PPP1R14C: variants seen among roughly 807,000 people sequenced by gnomAD.
The protein encoded by PPP1R14C is protein phosphatase 1 regulatory subunit 14C.
In PPP1R14C, 16 loss-of-function variants were observed where a neutral mutation model predicts 20.4. The ratio of observed to expected loss-of-function variants is 0.78; its 90% CI spans 0.53 to 1.19. The LOEUF is 1.19. PPP1R14C is among the 50% of genes most tolerant of loss of function. PPP1R14C has a pLI of 0.00. For synonymous variants in PPP1R14C, 91 were observed against 91.0 expected (o/e 1.00, Z 0.00); for missense variants, 211 against 220.1 (o/e 0.96, Z 0.26).
intron 3 of PPP1R14C, 55 bp downstream of exon 3, chr6:150,216,911 A>G (rs1290943261): frequency 1.4e-6 from 2 of 1,425,232 alleles, no homozygotes; most frequent in African/African-American, 1.4e-5. Flanking sequence ...TATTAAATCA[A>G]TTTGTCTATT....
At chr6:150,145,508 C>T (rs1047689518) in intron 1 of PPP1R14C, among the ~76,000 whole-genome samples, 1 of 152,132 alleles carries the variant, frequency 6.6e-6, no homozygotes, top group African/African-American at 2.4e-5. Flanking sequence ...TGGTGTACCT[C>T]CATTTAATAA....
intron 3 of PPP1R14C, among the ~76,000 whole-genome samples, chr6:150,223,839 G>A (rs1778198027): frequency 6.6e-6 from 1 of 152,204 alleles, no homozygotes; most frequent in East Asian, 1.9e-4. Context: ...CACAAAGCAG[G>A]AATTTTTGTT....
In PPP1R14C at chr6:150,156,024, C is replaced by CAAAAAAAA. The variant is rs67908012; in HGVS notation, c.306+12547_306+12554dup. ...TGGGTGACAGAGTGAGACTCTGTCTCAAAAAAAAAAAAAAAAAAAAAAAAA... is the reference window on the plus strand; with the variant it reads ...TGGGTGACAGAGTGAGACTCTGTCTCAAAAAAAAAAAAAAAAAAAAAAAAAAAAAAAAA... On this transcript the variant is annotated intron_variant, in intron 1 of 3. Transcript: ENST00000361131. Among the ~76,000 whole-genome samples the CAAAAAAAA allele has an allele frequency of 6.2e-3, 238 of 38,140 alleles. 1 individual carries two copies. The highest frequency in any genetic ancestry group is 7.9e-3 in the Non-Finnish European group (167 of 21,056). 25.0% of individuals were successfully genotyped at this position (38,140 alleles called of 152,430 possible).
chr6:150,155,091 A>G (rs1040742679), intron 1 of PPP1R14C, among the ~76,000 whole-genome samples: 1 of 152,210 alleles, frequency 6.6e-6, no homozygotes, highest in African/African-American at 2.4e-5. Flanking sequence ...TGAGATATGA[A>G]ATGAGCATCT....
intron 1 of PPP1R14C, among the ~76,000 whole-genome samples, chr6:150,169,513 C>G (rs1385657868): frequency 2.6e-5 from 4 of 152,196 alleles, no homozygotes; most frequent in Non-Finnish European, 5.9e-5. Flanking sequence ...TATTTAGTCT[C>G]CAAACTGCTG....
intron 1 of PPP1R14C, among the ~76,000 whole-genome samples, chr6:150,159,557 C>T (rs141642635): frequency 6.6e-6 from 1 of 152,244 alleles, no homozygotes; most frequent in African/African-American, 2.4e-5. Flanking sequence ...GTGCGCTGTC[C>T]TTCTGTCCCT....
intron 1 of PPP1R14C, among the ~76,000 whole-genome samples, chr6:150,172,856 A>C (rs936637088): frequency 6.6e-6 from 1 of 152,018 alleles, no homozygotes; most frequent in African/African-American, 2.4e-5. Flanking sequence ...GGCTGGATGT[A>C]GGTTACAAGG....
At chr6:150,217,728 A>G (rs1015587690) in intron 3 of PPP1R14C, among the ~76,000 whole-genome samples, 31 of 152,214 alleles carry the variant, frequency 2.0e-4, no homozygotes, top group African/African-American at 7.0e-4. Context: ...TTAGCAAGAG[A>G]AGTACTTTCT....
intron 2 of PPP1R14C, among the ~76,000 whole-genome samples, chr6:150,216,513 A>AACAT (rs1455664712): frequency 3.3e-5 from 5 of 151,944 alleles, no homozygotes; most frequent in Admixed American, 6.6e-5. Context: ...CAAACAAACA[A>AACAT]ACAAAACTGG....
At position 150,248,963 on chromosome 6, in the gene PPP1R14C, G is replaced by A. The variant is rs1235652631; in HGVS notation, c.*143G>A. ...TTTCTTTTTTGGTGTGAAGGTGGGG[G>A]GGTCTATTAGACATTTATTCAAGAG... On this transcript the variant is annotated 3_prime_UTR_variant, in exon 4 of 4. Coordinates refer to ENST00000361131, the MANE Select transcript of PPP1R14C (RefSeq NM_030949.3). The A allele has an allele frequency of 6.9e-5, 35 of 503,910 alleles. No individual in the cohort carries two copies. Among genetic ancestry groups the A allele is most frequent in the Non-Finnish European group, 1.1e-4 (31 of 286,554 alleles). 31.2% of individuals were successfully genotyped at this position (503,910 alleles called of 1,614,324 possible).
At chr6:150,231,234 C>T (rs1778291948) in intron 3 of PPP1R14C, among the ~76,000 whole-genome samples, 1 of 152,230 alleles carries the variant, frequency 6.6e-6, no homozygotes, top group Admixed American at 6.5e-5. Flanking sequence ...TCTTAGAAGT[C>T]TCTCAGCAGC....
intron 2 of PPP1R14C, among the ~76,000 whole-genome samples, chr6:150,216,082 C>T (rs900768642): frequency 6.6e-6 from 1 of 152,232 alleles, no homozygotes; most frequent in Admixed American, 6.5e-5. Context: ...CTGTGGAAGG[C>T]CATCCTGGAT....
At chr6:150,233,721 G>A (rs1351605777) in intron 3 of PPP1R14C, among the ~76,000 whole-genome samples, 4 of 152,198 alleles carry the variant, frequency 2.6e-5, no homozygotes, top group African/African-American at 9.7e-5. Context: ...TGATTGCCAT[G>A]CCTTTGAGTG....
rs115143777 is a variant in PPP1R14C, at chr6:150,185,616, G to A, written c.307-29128G>A. 3.3e-3 allele frequency among the ~76,000 whole-genome samples: 509 copies of A among 152,130 alleles called. 2 individuals carry two copies. The highest frequency in any genetic ancestry group is 0.012 in the African/African-American group (488 of 41,488). On this transcript the variant is annotated intron_variant, in intron 1 of 3. Coordinates refer to ENST00000361131, the MANE Select transcript of PPP1R14C (RefSeq NM_030949.3). The surrounding 1 kb of genome is among the most constrained non-coding windows in gnomAD (Gnocchi z 4.1). ...GGCTACCTCTGCATAATAGCTCTGCGGCCTCCCTGTCTGTATTAGGAAGCT... is the reference window on the plus strand; with the variant it reads ...GGCTACCTCTGCATAATAGCTCTGCAGCCTCCCTGTCTGTATTAGGAAGCT...
chr6:150,181,556 A>C (rs1199170510), intron 1 of PPP1R14C, among the ~76,000 whole-genome samples: 2 of 152,210 alleles, frequency 1.3e-5, no homozygotes, highest in African/African-American at 4.8e-5. Flanking sequence ...TTGTTCCCCA[A>C]GTAATCCACT....
chr6:150,143,522 G>A lies in PPP1R14C; in HGVS notation c.306+24G>A. On this transcript the variant is annotated intron_variant, in intron 1 of 3. Coordinates refer to ENST00000361131, the MANE Select transcript of PPP1R14C (RefSeq NM_030949.3). This position sits in a 1 kb window ranked among gnomAD's most constrained non-coding sequence, Gnocchi z 5.6. ...AGGTACCTGGGCGCGGGGCTGGGAG[G>A]GTCGGGGACCTCTCTAGCTCCTCTG... is the stretch of plus-strand genomic sequence containing the variant. The A allele has an allele frequency of 6.9e-7, 1 of 1,445,228 alleles. No individual in the cohort carries two copies. Among genetic ancestry groups the A allele is most frequent in the Non-Finnish European group, 9.5e-7 (1 of 1,052,226 alleles). The allele number at this position is 1,445,228 out of a possible 1,614,324, so 89.5% of individuals were successfully genotyped here. A position where few individuals can be genotyped will look rare whatever the true frequency, so the allele number is the denominator to read the frequency against.
chr6:150,216,764 C>G, intron 2 of PPP1R14C, 60 bp from the exon 3 acceptor site: 4 of 1,182,122 alleles, frequency 3.4e-6, no homozygotes, highest in Non-Finnish European at 4.9e-6. Flanking sequence ...TTAATTTTGC[C>G]TTAAAAATAA....
chr6:150,174,961 G>A (rs1777545241), intron 1 of PPP1R14C, among the ~76,000 whole-genome samples: 1 of 127,776 alleles, frequency 7.8e-6, no homozygotes, highest in African/African-American at 3.0e-5. Flanking sequence ...GGGAGATTCT[G>A]TCTCAAAAAA....
intron 1 of PPP1R14C, among the ~76,000 whole-genome samples, chr6:150,149,692 T>G (rs1164051456): frequency 6.6e-6 from 1 of 152,132 alleles, no homozygotes; most frequent in Non-Finnish European, 1.5e-5. Context: ...ACTTAGGACA[T>G]AGCATGTCAG....
Sources: allele counts gnomAD v4.1 joint callset (sites outside exome capture counted in the v4.1 genomes callset), GRCh38; gene constraint gnomAD v4.1.1; non-coding constraint Gnocchi (gnomAD v3.1); transcripts MANE v1.5; gene names NCBI Gene and HGNC (gene_info 2026-07-23, HGNC 2026-07-21).